The following KIF15 variants were observed in gnomAD, a reference collection of about 807,000 sequenced individuals.
The protein encoded by KIF15 is kinesin-like protein KIF15.
A neutral mutation model predicts 190.6 loss-of-function variants in KIF15; 140 were observed. The observed-to-expected ratio is 0.73, with a 90% CI of 0.64 to 0.84. KIF15 has a LOEUF of 0.84. KIF15 is among the 40% of genes least tolerant of loss of function. The pLI is 0.00. For synonymous variants in KIF15, 528 were observed against 551.3 expected (o/e 0.96, Z 0.59); for missense variants, 1,372 against 1,584.4 (o/e 0.87, Z 2.28).
intron 21 of KIF15, 54 bp from the exon 22 acceptor site, chr3:44,826,321 C>T (rs1697643094): frequency 1.3e-6 from 2 of 1,568,650 alleles, no homozygotes; most frequent in Admixed American, 1.7e-5. Context: ...TTGACATGTT[C>T]GTTGACTATG....
At chr3:44,836,717 C>G (rs528050726) in intron 26 of KIF15, among the ~76,000 whole-genome samples, 151 of 152,274 alleles carry the variant, frequency 9.9e-4, no homozygotes, top group African/African-American at 3.4e-3. Context: ...GGTTGCTTAC[C>G]ACACAGAAAG....
intron 2 of KIF15, 117 bp from the exon 3 acceptor site, chr3:44,775,137 T>C: frequency 1.3e-6 from 1 of 797,092 alleles, no homozygotes. Context: ...GGGATATGTC[T>C]TGGGCTTTGT....
At position 44,797,610 on chromosome 3, in the gene KIF15, C is replaced by A; in HGVS notation, c.909C>A (p.Val303=). The A allele has an allele frequency of 6.2e-7, 1 of 1,614,012 alleles. No individual in the cohort carries two copies. Among genetic ancestry groups the A allele is most frequent in the East Asian group, 2.2e-5 (1 of 44,886 alleles). Residue 303 remains valine (V), a synonymous_variant, in exon 9 of 35, where the codon GTC becomes GTA. Transcript: ENST00000326047. ...SCLGQVITAL[V]DVGNGKQRHV... Reference sequence around the variant, plus strand: ...TGGGCCAAGTGATTACAGCACTTGTCGACGTGGGTAATGGAAAACAGAGAC... The same window carrying A: ...TGGGCCAAGTGATTACAGCACTTGTAGACGTGGGTAATGGAAAACAGAGAC...
downstream of KIF15, among the ~76,000 whole-genome samples, chr3:44,857,176 G>A (rs952826362): frequency 1.3e-5 from 2 of 152,182 alleles, no homozygotes; most frequent in African/African-American, 4.8e-5. Context: ...AGAATAATGT[G>A]GGAGGCCGGA....
intron 6 of KIF15, chr3:44,862,083 C>G: frequency 1.2e-5 from 15 of 1,296,182 alleles, no homozygotes; most frequent in Non-Finnish European, 1.4e-5. Context: ...GGGCCCTGGC[C>G]GCCGCCTCCG....
chr3:44,804,885 G>T (rs1444378629), intron 14 of KIF15, 142 bp from the exon 15 acceptor site: 1 of 744,602 alleles, frequency 1.3e-6, no homozygotes, highest in Non-Finnish European at 2.1e-6. Flanking sequence ...AAAGCAGGGG[G>T]TTCACTTGAG....
At chr3:44,779,330 A>C (rs1043594830) in intron 4 of KIF15, among the ~76,000 whole-genome samples, 3 of 152,152 alleles carry the variant, frequency 2.0e-5, no homozygotes, top group Non-Finnish European at 4.4e-5. Context: ...GGAGCATGGT[A>C]TTTAGAAACC....
chr3:44,835,105 A>G (rs1019630210), intron 26 of KIF15, among the ~76,000 whole-genome samples: 2 of 152,016 alleles, frequency 1.3e-5, no homozygotes, highest in African/African-American at 2.4e-5. Flanking sequence ...ATATTTGACA[A>G]TTGTTAAGAA....
At chr3:44,841,264 T>C (rs1698588375) in intron 29 of KIF15, 26 bp downstream of exon 29, 1 of 1,569,130 alleles carries the variant, frequency 6.4e-7, no homozygotes, top group Non-Finnish European at 8.7e-7. Flanking sequence ...TTCCAGTAAA[T>C]TTAATTATTT....
chr3:44,806,099 A>T (rs536837712), intron 16 of KIF15, 113 bp downstream of exon 16: 1 of 1,174,900 alleles, frequency 8.5e-7, no homozygotes, highest in Admixed American at 2.4e-5. Context: ...CATGCAGGTA[A>T]TTAACACCGG....
intron 6 of KIF15, among the ~76,000 whole-genome samples, chr3:44,861,136 C>T (rs960015172): frequency 1.1e-4 from 17 of 152,164 alleles, no homozygotes; most frequent in African/African-American, 3.9e-4. Context: ...GGATTACAGG[C>T]ATGCACCACC....
At chr3:44,771,664 A>G (rs1333722098) in intron 1 of KIF15, among the ~76,000 whole-genome samples, 1 of 152,260 alleles carries the variant, frequency 6.6e-6, no homozygotes, top group East Asian at 1.9e-4. Context: ...GATGACTCAG[A>G]AATTTTAAAA....
chr3:44,818,114 G>C (rs1471980919), intron 20 of KIF15, among the ~76,000 whole-genome samples: 3 of 152,174 alleles, frequency 2.0e-5, no homozygotes, highest in Admixed American at 6.6e-5. Flanking sequence ...CTTTGCTGAA[G>C]TTGCTTATCA....
chr3:44,824,414 C>G (rs892959695), intron 20 of KIF15, among the ~76,000 whole-genome samples: 1 of 152,104 alleles, frequency 6.6e-6, no homozygotes, highest in Non-Finnish European at 1.5e-5. Flanking sequence ...ACCAAGTCCA[C>G]TTATCTAGTT....
intron 4 of KIF15, among the ~76,000 whole-genome samples, chr3:44,779,968 G>C (rs1706089570): frequency 6.6e-6 from 1 of 152,006 alleles, no homozygotes; most frequent in African/African-American, 2.4e-5. Flanking sequence ...TCTAGTTTTG[G>C]GGGGCATTTA....
At chr3:44,858,992 G>T (rs1699214269) in intron 6 of KIF15, among the ~76,000 whole-genome samples, 1 of 152,230 alleles carries the variant, frequency 6.6e-6, no homozygotes, top group Admixed American at 6.5e-5. Context: ...GAGAGCCCCG[G>T]GCCAGAGTTC....
chr3:44,816,399 C>A (rs914953969), intron 20 of KIF15, among the ~76,000 whole-genome samples: 1 of 151,854 alleles, frequency 6.6e-6, no homozygotes, highest in Non-Finnish European at 1.5e-5. Flanking sequence ...CCCAGCCCCC[C>A]ACCCCTTGAC....
chr3:44,813,625 G>GTTTTTT, intron 19 of KIF15, among the ~76,000 whole-genome samples: 2 of 102,766 alleles, frequency 1.9e-5, no homozygotes, highest in African/African-American at 6.5e-5. Context: ...TGTTTTGTTT[G>GTTTTTT]TTTTGTTTTT....
chr3:44,829,711 GTA>G (rs1375958396), intron 24 of KIF15, among the ~76,000 whole-genome samples: 104 of 127,536 alleles, frequency 8.2e-4, no homozygotes, highest in African/African-American at 2.3e-3. Context: ...TATTATAGAT[GTA>G]TATATATTAT....
Sources: allele counts gnomAD v4.1 joint callset (sites outside exome capture counted in the v4.1 genomes callset), GRCh38; gene constraint gnomAD v4.1.1; transcripts MANE v1.5; gene names NCBI Gene and HGNC (gene_info 2026-07-23, HGNC 2026-07-21).